The following NUDT12 variants were observed in gnomAD, a reference collection of about 807,000 sequenced individuals.
NUDT12 encodes nudix hydrolase 12, also known as NAD-capped RNA hydrolase NUDT12.
Under a neutral mutation model 45.7 loss-of-function variants are expected in NUDT12, and 42 were observed. The observed-to-expected ratio is 0.92, with a 90% CI of 0.72 to 1.19. NUDT12 has a LOEUF of 1.19. Among genes scored for constraint, NUDT12 ranks in the 50% most tolerant of loss-of-function variants. The pLI, the probability that NUDT12 is intolerant of heterozygous loss-of-function variation, is 0.00. For missense variants in NUDT12, 590 were observed against 533.1 expected, an observed-to-expected ratio of 1.11 and a Z score of -1.05; for synonymous variants, 206 against 179.7, an observed-to-expected ratio of 1.15 and a Z score of -1.17.
rs910101876 is a variant in NUDT12, at chr5:103,549,254, C to A, written c.*1607G>T. The stretch of plus-strand genomic sequence containing the variant: ...TTATTTTCCATATACTTATGTAGCT[C>A]GAATTTTATTATGTATCTAAATGTC... On this transcript the variant is annotated 3_prime_UTR_variant, in exon 7 of 7. Coordinates refer to ENST00000230792, the MANE Select transcript of NUDT12 (RefSeq NM_031438.4). 2.0e-5 allele frequency: 3 copies of A among 151,918 alleles called. No homozygotes were observed. Among genetic ancestry groups the A allele is most frequent in the Admixed American group, 2.0e-4 (3 of 15,252 alleles). 9.4% of individuals were successfully genotyped at this position (151,918 alleles called of 1,614,324 possible). A position where few individuals can be genotyped will look rare whatever the true frequency, so the allele number is the denominator to read the frequency against.
At position 103,560,197 on chromosome 5, in the gene NUDT12, A is replaced by G; in HGVS notation, c.52T>C (p.Cys18Arg). 1 of 1,613,956 alleles carries G rather than the reference A, an allele frequency of 6.2e-7. No homozygotes were observed. Among genetic ancestry groups the G allele is most frequent in the Non-Finnish European group, 8.5e-7 (1 of 1,179,804 alleles). ...LKQEIVTQFH[C>R]SAAEGDIAKL... is the part of the protein sequence containing the mutation. ...GCAATATCTCCTTCAGCAGCTGAAC[A>G]GTGAAACTGAGTAACTATTTCTTGC... The change falls in exon 2 of 7, where the codon TGT (cysteine) becomes CGT (arginine). Residue 18 changes from cysteine to arginine, a missense_variant. Transcript: ENST00000230792.
intron 4 of NUDT12, 116 bp from the exon 5 acceptor site, chr5:103,554,969 T>C: frequency 2.4e-6 from 1 of 423,368 alleles, no homozygotes; most frequent in Admixed American, 4.1e-5. Context: ...GATAGAACTC[T>C]TGTCTGGTTG....
At chr5:103,556,874 TAACA>T (rs1190012788) in intron 3 of NUDT12, among the ~76,000 whole-genome samples, 1 of 151,970 alleles carries the variant, frequency 6.6e-6, no homozygotes, top group Non-Finnish European at 1.5e-5. Flanking sequence ...AACAAAATAA[TAACA>T]AAAATTCTAA....
chr5:103,556,152 A>G (rs955631807), intron 3 of NUDT12, 54 bp from the exon 4 acceptor site: 16 of 1,290,984 alleles, frequency 1.2e-5, no homozygotes, highest in Non-Finnish European at 1.6e-5. Context: ...ATTAAAATCA[A>G]TATATAAGTA....
rs1248560960 is a variant in NUDT12, at chr5:103,559,335, C to G, written c.340G>C (p.Val114Leu). 1 of 1,613,560 alleles carries G rather than the reference C, an allele frequency of 6.2e-7. No homozygotes were observed. Among genetic ancestry groups the G allele is most frequent in the South Asian group, 1.1e-5 (1 of 90,934 alleles). Residue 114 changes from valine (V) to leucine (L), a missense_variant, in exon 3 of 7, where the codon GTG becomes CTG. By Grantham distance (32) the Val-to-Leu change is conservative. Coordinates refer to ENST00000230792, the MANE Select transcript of NUDT12 (RefSeq NM_031438.4). The part of the protein sequence containing the change: ...GKKPWFLTNE[V>L]EECENYFSKT... Reference sequence around the variant, plus strand: ...CTAAAATAATTTTCACATTCTTCCACTTCATTCGTTAGGAACCAAGGCTTC... The same window carrying G: ...CTAAAATAATTTTCACATTCTTCCAGTTCATTCGTTAGGAACCAAGGCTTC...
chr5:103,551,431 G>C (rs1376289705), intron 6 of NUDT12, among the ~76,000 whole-genome samples: 1 of 152,046 alleles, frequency 6.6e-6, no homozygotes, highest in African/African-American at 2.4e-5. Flanking sequence ...GCAAAATTTA[G>C]GACAGCATTT....
rs34399362 is a variant in NUDT12 at position 103,559,029 on chromosome 5, C to A, written c.646G>T (p.Val216Phe). ...KDKLLNYAGE[V>F]PREEEDGLVA... ...AATCCATCTTCCTCCTCTCTCGGGA[C>A]TTCACCAGCATAATTAAGTAGTTTG... The change falls in exon 3 of 7, where the codon GTC (valine) becomes TTC (phenylalanine). Residue 216 changes from valine (V) to phenylalanine (F), a missense_variant. Val to Phe is a conservative substitution (Grantham distance 50). Coordinates refer to ENST00000230792, the MANE Select transcript of NUDT12 (RefSeq NM_031438.4). The A allele has an allele frequency of 9.3e-6, 15 of 1,613,858 alleles. No individual in the cohort carries two copies. In the Admixed American group the frequency reaches 2.5e-4, roughly 27 times the overall value.
intron 1 of NUDT12, among the ~76,000 whole-genome samples, chr5:103,560,593 G>GC (rs1238381488): frequency 2.0e-5 from 3 of 151,574 alleles, no homozygotes; most frequent in Middle Eastern, 3.2e-3. Flanking sequence ...CTTCACGATG[G>GC]GTGGGGACAT....
In NUDT12 at chr5:103,550,974, A is replaced by G. The variant is rs1748639440; in HGVS notation, c.1279-3T>C. 35 of 1,603,310 alleles carry G rather than the reference A, an allele frequency of 2.2e-5. No individual in the cohort carries two copies. The highest frequency in any genetic ancestry group is 2.8e-5 in the Non-Finnish European group (33 of 1,170,518). ...CCTTTGGTCAGAACATCCAGGACCT[A>G]AAACACACCATAATAGAATGCATTA... On this transcript the variant is annotated splice_polypyrimidine_tract_variant and splice_region_variant and intron_variant, in intron 6 of 6. Transcript: ENST00000230792.
chr5:103,553,064 G>A (rs182534990), intron 5 of NUDT12, among the ~76,000 whole-genome samples: 3 of 152,042 alleles, frequency 2.0e-5, no homozygotes, highest in African/African-American at 7.2e-5. Flanking sequence ...GTAAAATCTG[G>A]AAGTTTAGAA....
chr5:103,551,295 G>T (rs1304560095), intron 6 of NUDT12, among the ~76,000 whole-genome samples: 2 of 151,884 alleles, frequency 1.3e-5, no homozygotes, highest in African/African-American at 4.8e-5. Context: ...AAAATTATCT[G>T]TAGAGACAGG....
intron 5 of NUDT12, 32 bp from the exon 6 acceptor site, chr5:103,552,448 G>A (rs1230770233): frequency 3.9e-6 from 6 of 1,542,390 alleles, no homozygotes; most frequent in South Asian, 1.1e-5. Context: ...ACAAGTTGCT[G>A]ATGAACATGC....
rs760370482 is a variant in NUDT12, at chr5:103,552,401, T to A, written c.1094A>T (p.Asp365Val). 8.7e-6 allele frequency: 14 copies of A among 1,613,460 alleles called. No homozygotes were observed. In the African/African-American group the frequency reaches 1.9e-4, roughly 22 times the overall value. ...CTCTTCTACTTCTCTCCTAACAGCA[T>A]CTTCTATTGTCTCTCCTAATGAAAT... ...GFIEPGETIEDAVRREVEEES... is the reference protein window; with the variant it reads ...GFIEPGETIEVAVRREVEEES... The change falls in exon 6 of 7, where the codon GAT (aspartate) becomes GTT (valine). Residue 365 changes from aspartate (D) to valine (V), a missense_variant. Coordinates refer to ENST00000230792, the MANE Select transcript of NUDT12 (RefSeq NM_031438.4).
At chr5:103,551,306 G>T (rs1748647972) in intron 6 of NUDT12, among the ~76,000 whole-genome samples, 1 of 151,926 alleles carries the variant, frequency 6.6e-6, no homozygotes, top group African/African-American at 2.4e-5. Flanking sequence ...TAGAGACAGG[G>T]TCTCCCTATG....
chr5:103,561,593 G>A (rs1486942598), intron 1 of NUDT12, among the ~76,000 whole-genome samples: 1 of 152,038 alleles, frequency 6.6e-6, no homozygotes, highest in Non-Finnish European at 1.5e-5. Context: ...TTCTACATAC[G>A]TTAAAAATAC....
chr5:103,561,723 TTA>T (rs1401728185), intron 1 of NUDT12, among the ~76,000 whole-genome samples: 4 of 152,348 alleles, frequency 2.6e-5, no homozygotes, highest in African/African-American at 9.6e-5. Flanking sequence ...AAAACCCATA[TTA>T]TAGTTTTTTC....
At chr5:103,558,341 C>G (rs192209963) in intron 3 of NUDT12, among the ~76,000 whole-genome samples, 15 of 152,190 alleles carry the variant, frequency 9.9e-5, no homozygotes, top group Admixed American at 9.8e-4. Context: ...CAAGCCATTG[C>G]AATCTCTTAC....
rs1308673932 is a variant in NUDT12, at chr5:103,562,691, G to A, written c.-7+12C>T. 1.3e-5 allele frequency: 2 copies of A among 152,258 alleles called. No homozygotes were observed. The highest frequency in any genetic ancestry group is 2.9e-5 in the Non-Finnish European group (2 of 68,232). 9.4% of individuals were successfully genotyped at this position (152,258 alleles called of 1,614,324 possible). A position where few individuals can be genotyped will look rare whatever the true frequency, so the allele number is the denominator to read the frequency against. ...GCAATGAGACGACTAACTCCCCACT[G>A]CTTCTACTAACCCAAAGGTGACCAC... On this transcript the variant is annotated intron_variant, in intron 1 of 6. Transcript: ENST00000230792.
Position 103,550,864 on chromosome 5 carries a change from G to A in NUDT12, c.1386C>T (p.Leu462=). The stretch of plus-strand genomic sequence containing the variant: ...ACTCAAAGCTTAGTTCTTAGATTTA[G>A]AGATTAGGATTTATTCTAATCCAGT... ...IKHWIRINPN[L] is the part of the protein sequence containing the mutation. Residue 462 remains leucine (L), a synonymous_variant, in exon 7 of 7, where the codon CTC becomes CTT. Coordinates refer to ENST00000230792, the MANE Select transcript of NUDT12 (RefSeq NM_031438.4). 1 of 1,597,238 alleles carries A rather than the reference G, an allele frequency of 6.3e-7. No individual in the cohort carries two copies. Among genetic ancestry groups the A allele is most frequent in the Non-Finnish European group, 8.6e-7 (1 of 1,164,978 alleles).
Sources: allele counts gnomAD v4.1 joint callset (sites outside exome capture counted in the v4.1 genomes callset), GRCh38; gene constraint gnomAD v4.1.1; transcripts MANE v1.5; gene names NCBI Gene and HGNC (gene_info 2026-07-23, HGNC 2026-07-21).